The following ROR2 variants were observed in gnomAD, a reference collection of about 807,000 sequenced individuals.
ROR2 encodes the protein tyrosine-protein kinase transmembrane receptor ROR2.
ROR2 carries 33 observed loss-of-function variants against 74.9 expected under a neutral mutation model. The observed-to-expected ratio is 0.44, with a 90% CI of 0.33 to 0.59. The LOEUF is 0.59. Ranked by LOEUF, ROR2 falls within the 20% of genes least tolerant of loss-of-function variation. The pLI is 0.02. For synonymous variants in ROR2, 586 were observed against 558.7 expected (o/e 1.05, Z -0.69); for missense variants, 1,216 against 1,313.8 (o/e 0.93, Z 1.15).
At chr9:91,809,164 A>G (rs112111257) in intron 1 of ROR2, among the ~76,000 whole-genome samples, 2 of 152,156 alleles carry the variant, frequency 1.3e-5, no homozygotes, top group Non-Finnish European at 2.9e-5. Context: ...GGGGTCCCCA[A>G]ATAGTCTACA....
At position 91,942,331 on chromosome 9, in the gene ROR2, A is replaced by T. The variant is rs139017929; in HGVS notation, c.97+7536T>A. Among the ~76,000 whole-genome samples, 4 of 152,284 alleles carry T rather than the reference A, an allele frequency of 2.6e-5. No individual in the cohort carries two copies. In the East Asian group the frequency reaches 7.7e-4, roughly 29 times the overall value. ...TGGACCACCCAGGTATTGGGATGCA[A>T]ATCTCGCCAGTCTACAGTTAGCAAC... is the stretch of plus-strand genomic sequence containing the variant. On this transcript the variant is annotated intron_variant, in intron 1 of 8. Coordinates refer to ENST00000375708, the MANE Select transcript of ROR2 (RefSeq NM_004560.4).
chr9:91,777,281 G>C (rs941355525), intron 1 of ROR2, among the ~76,000 whole-genome samples: 4 of 152,138 alleles, frequency 2.6e-5, no homozygotes, highest in Non-Finnish European at 5.9e-5. Context: ...ACAGGGCTCA[G>C]TGTTTTCAGC....
intron 1 of ROR2, among the ~76,000 whole-genome samples, chr9:91,806,218 C>T (rs955411470): frequency 7.2e-5 from 11 of 152,136 alleles, no homozygotes; most frequent in East Asian, 3.9e-4. Context: ...AACAGAGATC[C>T]GTTTTCAGTG....
chr9:91,811,164 C>T (rs1242582034), intron 1 of ROR2, among the ~76,000 whole-genome samples: 3 of 152,230 alleles, frequency 2.0e-5, no homozygotes, highest in Admixed American at 6.5e-5. Flanking sequence ...TCCCCTAGGC[C>T]GGGACAGCGG....
chr9:91,811,349 G>A (rs969848003), intron 1 of ROR2, among the ~76,000 whole-genome samples: 8 of 152,226 alleles, frequency 5.3e-5, no homozygotes, highest in South Asian at 2.1e-4. Context: ...GTGCTCATTC[G>A]GCCCGTGTGG....
chr9:91,841,751 C>T (rs1428586610), intron 1 of ROR2, among the ~76,000 whole-genome samples: 3 of 152,144 alleles, frequency 2.0e-5, no homozygotes, highest in Non-Finnish European at 2.9e-5. Context: ...TCAGTGCCCT[C>T]GGATGCCAGC....
chr9:91,783,382 T>C (rs973341080), intron 1 of ROR2, among the ~76,000 whole-genome samples: 1 of 152,220 alleles, frequency 6.6e-6, no homozygotes, highest in Non-Finnish European at 1.5e-5. Context: ...AGCCTCACAG[T>C]GAGTGCCTCG....
At position 91,785,974 on chromosome 9, in the gene ROR2, C is replaced by G. The variant is rs114153453; in HGVS notation, c.98-10156G>C. On this transcript the variant is annotated intron_variant, in intron 1 of 8. Coordinates refer to ENST00000375708, the MANE Select transcript of ROR2 (RefSeq NM_004560.4). Reference sequence around the variant, plus strand: ...ACTACTCAACCATAGAAAGAGCCAACTGATACAACATACACACGACAGAAG... The same window carrying G: ...ACTACTCAACCATAGAAAGAGCCAAGTGATACAACATACACACGACAGAAG... Among the ~76,000 whole-genome samples, 728 of 152,212 alleles carry G rather than the reference C, an allele frequency of 4.8e-3. 7 individuals carry two copies. Among genetic ancestry groups the G allele is most frequent in the African/African-American group, 0.017 (703 of 41,534 alleles).
chr9:91,926,268 A>T (rs1243392399), intron 1 of ROR2, among the ~76,000 whole-genome samples: 5 of 151,744 alleles, frequency 3.3e-5, no homozygotes, highest in African/African-American at 1.2e-4. Context: ...CTGTAGTCCC[A>T]GCTACTTGGG....
chr9:91,899,339 A>G (rs1352357638), intron 1 of ROR2, among the ~76,000 whole-genome samples: 1 of 152,214 alleles, frequency 6.6e-6, no homozygotes, highest in Non-Finnish European at 1.5e-5. Context: ...GGAGCAGCAG[A>G]CAGAGCAGGA....
intron 4 of ROR2, among the ~76,000 whole-genome samples, chr9:91,754,422 C>A (rs1388629614): frequency 6.6e-6 from 1 of 151,904 alleles, no homozygotes; most frequent in African/African-American, 2.4e-5. Context: ...TTTGGGAGGC[C>A]AAGGTGGACG....
At position 91,781,910 on chromosome 9, in the gene ROR2, G is replaced by T. The variant is rs1025415882; in HGVS notation, c.98-6092C>A. 2.6e-5 allele frequency among the ~76,000 whole-genome samples: 4 copies of T among 152,154 alleles called. No homozygotes were observed. In the South Asian group the frequency reaches 6.2e-4, roughly 24 times the overall value. On this transcript the variant is annotated intron_variant, in intron 1 of 8. Coordinates refer to ENST00000375708, the MANE Select transcript of ROR2 (RefSeq NM_004560.4). The stretch of plus-strand genomic sequence containing the variant: ...TACCAGCCCAACTCCCTTCAATATT[G>T]CCTTCATAAAGCTCTTTCTACTTTC...
At chr9:91,839,073 A>G (rs1018143608) in intron 1 of ROR2, among the ~76,000 whole-genome samples, 3 of 152,234 alleles carry the variant, frequency 2.0e-5, no homozygotes, top group South Asian at 2.1e-4. Flanking sequence ...GGCCCTCCGC[A>G]CTGGCTACGC....
chr9:91,820,517 A>G (rs1371136469), intron 1 of ROR2, among the ~76,000 whole-genome samples: 1 of 152,184 alleles, frequency 6.6e-6, no homozygotes, highest in South Asian at 2.1e-4. Flanking sequence ...TACAGTCAGG[A>G]GCCACGGCAG....
intron 1 of ROR2, among the ~76,000 whole-genome samples, chr9:91,863,748 G>A (rs1037763791): frequency 6.6e-6 from 1 of 152,010 alleles, no homozygotes; most frequent in Admixed American, 6.6e-5. Context: ...GCTGGGCCTG[G>A]GGGGAGATAG....
intron 1 of ROR2, among the ~76,000 whole-genome samples, chr9:91,902,024 C>T (rs1471017584): frequency 6.6e-6 from 1 of 152,082 alleles, no homozygotes; most frequent in Non-Finnish European, 1.5e-5. Context: ...TTCAACCAGT[C>T]CCAACATTTA....
intron 1 of ROR2, among the ~76,000 whole-genome samples, chr9:91,786,879 A>C (rs1389839356): frequency 6.6e-6 from 1 of 152,126 alleles, no homozygotes; most frequent in Non-Finnish European, 1.5e-5. Context: ...AATCCTAAAG[A>C]ATTAGAGGAG....
At chr9:91,763,786 A>G (rs1371126084) in intron 2 of ROR2, among the ~76,000 whole-genome samples, 3 of 152,188 alleles carry the variant, frequency 2.0e-5, no homozygotes, top group Non-Finnish European at 2.9e-5. Flanking sequence ...ATTGTGTAAT[A>G]TATCTTATGA....
rs34687056 is a variant in ROR2 at position 91,829,549 on chromosome 9, C to CAAAAAAAAAAAAAAAAA, written c.98-53748_98-53732dup. Among the ~76,000 whole-genome samples the CAAAAAAAAAAAAAAAAA allele has an allele frequency of 2.7e-4, 11 of 40,510 alleles. 1 individual carries two copies. The highest frequency in any genetic ancestry group is 4.9e-4 in the African/African-American group (5 of 10,194). 26.6% of individuals were successfully genotyped at this position (40,510 alleles called of 152,430 possible). A position where few individuals can be genotyped will look rare whatever the true frequency, so the allele number is the denominator to read the frequency against. On this transcript the variant is annotated intron_variant, in intron 1 of 8. Transcript: ENST00000375708. ...TGGGTGACACAGCGAGACTCCGTCT[C>CAAAAAAAAAAAAAAAAA]AAAAAAAAAAAAAAAAAAAAAAAAG...
Sources: allele counts gnomAD v4.1 joint callset (sites outside exome capture counted in the v4.1 genomes callset), GRCh38; gene constraint gnomAD v4.1.1; transcripts MANE v1.5; gene names NCBI Gene and HGNC (gene_info 2026-07-23, HGNC 2026-07-21).